The following SHOC2 variants were observed in gnomAD, a reference collection of about 807,000 sequenced individuals.
The protein encoded by SHOC2 is SHOC2 leucine rich repeat scaffold protein, also known as leucine-rich repeat protein SHOC-2.
Under a neutral mutation model 50.2 loss-of-function variants are expected in SHOC2, and 4 were observed. The observed-to-expected ratio is 0.08, with a 90% CI of 0.04 to 0.18. The LOEUF is 0.18. Ranked by LOEUF, SHOC2 falls within the 10% of genes least tolerant of loss-of-function variation. SHOC2 has a pLI of 1.00. For synonymous variants in SHOC2, 218 were observed against 244.5 expected (o/e 0.89, Z 1.01); for missense variants, 388 against 669.6 (o/e 0.58, Z 4.64).
intron 5 of SHOC2, among the ~76,000 whole-genome samples, chr10:111,006,555 A>G (rs1282432377): frequency 6.6e-6 from 1 of 152,112 alleles, no homozygotes; most frequent in East Asian, 1.9e-4. Context: ...TATTTTTAGT[A>G]GAGACGGGGT....
rs1564714645 is a variant in SHOC2, at chr10:110,964,545, G to A, written c.187G>A (p.Gly63Arg). Reference sequence around the variant, plus strand: ...GAAGGACTCCAGTGCTGCCCAACCAGGGGTGGCATTTTCAGTTGACAATAC... The same window carrying A: ...GAAGGACTCCAGTGCTGCCCAACCAAGGGTGGCATTTTCAGTTGACAATAC... The part of the protein sequence containing the change: ...GKKDSSAAQP[G>R]VAFSVDNTIK... Residue 63 changes from glycine (G) to arginine (R), a missense_variant, in exon 2 of 9, where the codon GGG (glycine) becomes AGG (arginine). Physicochemically the swap from Gly to Arg is moderately radical, Grantham distance 125 (BLOSUM62 -2). Transcript: ENST00000369452. This position sits in a 1 kb window ranked among gnomAD's most constrained non-coding sequence, Gnocchi z 4.9. 6.2e-7 allele frequency: 1 copy of A among 1,613,958 alleles called. No homozygotes were observed. Among genetic ancestry groups the A allele is most frequent in the Admixed American group, 1.7e-5 (1 of 59,988 alleles).
intron 1 of SHOC2, among the ~76,000 whole-genome samples, chr10:110,936,388 C>T (rs1038497351): frequency 3.3e-5 from 5 of 151,976 alleles, no homozygotes; most frequent in African/African-American, 1.2e-4. Flanking sequence ...CAGGCGTGAG[C>T]CACCGCACCC....
rs764610489 is a variant in SHOC2, at chr10:110,964,651, G to A, written c.293G>A (p.Arg98Gln). 6.2e-6 allele frequency: 10 copies of A among 1,614,068 alleles called. No individual in the cohort carries two copies. Among genetic ancestry groups the A allele is most frequent in the South Asian group, 1.1e-5 (1 of 91,088 alleles). Residue 98 changes from arginine (R) to glutamine (Q), a missense_variant, in exon 2 of 9, where the codon CGG becomes CAG. Arg to Gln is a conservative substitution (Grantham distance 43). Transcript: ENST00000369452. The surrounding 1 kb of genome is among the most constrained non-coding windows in gnomAD (Gnocchi z 4.9). ...GTGATTAAAGAGCTCAACAAATGCC[G>A]GGAAGAGAATTCAATGCGTTTGGAC... is the stretch of plus-strand genomic sequence containing the variant. Reference protein sequence around the residue: ...AEVIKELNKCREENSMRLDLS... With the variant: ...AEVIKELNKCQEENSMRLDLS...
At chr10:111,002,064 G>C (rs1848387543) in intron 4 of SHOC2, among the ~76,000 whole-genome samples, 1 of 151,858 alleles carries the variant, frequency 6.6e-6, no homozygotes. Context: ...AAAAATAAGT[G>C]AAAAAATTTA....
intron 1 of SHOC2, among the ~76,000 whole-genome samples, chr10:110,930,750 T>TTTTTTTTTTG: frequency 6.7e-6 from 1 of 149,842 alleles, no homozygotes; most frequent in Non-Finnish European, 1.5e-5. Flanking sequence ...TTTTTTTTTT[T>TTTTTTTTTTG]GGTAGTGTTT....
At chr10:110,969,896 AAAT>A (rs971287742) in intron 2 of SHOC2, among the ~76,000 whole-genome samples, 7 of 151,942 alleles carry the variant, frequency 4.6e-5, no homozygotes, top group African/African-American at 7.3e-5. Context: ...TATGTATGAG[AAAT>A]AATAATGAGA....
chr10:110,966,201 C>T (rs1326584931), intron 2 of SHOC2, among the ~76,000 whole-genome samples: 1 of 151,758 alleles, frequency 6.6e-6, no homozygotes, highest in Non-Finnish European at 1.5e-5. Context: ...CTAGACAATC[C>T]AAATATTAAT....
chr10:110,979,861 T>C (rs894935992), intron 2 of SHOC2, among the ~76,000 whole-genome samples: 1 of 133,990 alleles, frequency 7.5e-6, no homozygotes, highest in African/African-American at 2.8e-5. Context: ...CAACCCAAGC[T>C]CAGTATCTTC....
intron 4 of SHOC2, among the ~76,000 whole-genome samples, chr10:111,003,115 A>G (rs1848410383): frequency 1.3e-5 from 2 of 152,232 alleles, no homozygotes; most frequent in African/African-American, 4.8e-5. Context: ...CTTAAGGTAC[A>G]GTATAAAGAA....
intron 2 of SHOC2, among the ~76,000 whole-genome samples, chr10:110,966,675 T>C (rs1054129576): frequency 6.6e-6 from 1 of 152,132 alleles, no homozygotes; most frequent in South Asian, 2.1e-4. Flanking sequence ...AAAGTGAATG[T>C]ATCTTTTAAA....
chr10:110,952,733 G>A (rs543811385), intron 1 of SHOC2, among the ~76,000 whole-genome samples: 8 of 152,038 alleles, frequency 5.3e-5, no homozygotes, highest in Non-Finnish European at 1.2e-4. Flanking sequence ...CCTCGCAAAA[G>A]GCCCTGGTGT....
chr10:110,930,735 C>CTTTTTTTTTTTTTTT (rs772553111), intron 1 of SHOC2, among the ~76,000 whole-genome samples: 23 of 96,752 alleles, frequency 2.4e-4, no homozygotes, highest in South Asian at 4.2e-4. Flanking sequence ...ACGAGTAAAT[C>CTTTTTTTTTTTTTTT]TTTTTTTTTT....
chr10:110,963,338 C>G (rs1847607447), intron 1 of SHOC2, among the ~76,000 whole-genome samples: 1 of 151,942 alleles, frequency 6.6e-6, no homozygotes, highest in Non-Finnish European at 1.5e-5. Flanking sequence ...TTTTTCAGTC[C>G]CTAGAATATA....
chr10:111,010,198 T>A (rs1345807855), intron 8 of SHOC2, among the ~76,000 whole-genome samples: 1 of 152,146 alleles, frequency 6.6e-6, no homozygotes, highest in Non-Finnish European at 1.5e-5. Context: ...GATTTTAGAA[T>A]TAATATTAAT....
intron 1 of SHOC2, among the ~76,000 whole-genome samples, chr10:110,950,584 G>A (rs1053536998): frequency 6.6e-6 from 1 of 152,132 alleles, no homozygotes; most frequent in African/African-American, 2.4e-5. Flanking sequence ...AATTCTGGAA[G>A]CATCATACTA....
intron 1 of SHOC2, among the ~76,000 whole-genome samples, chr10:110,942,150 C>T (rs1406171596): frequency 8.1e-6 from 1 of 123,220 alleles, no homozygotes; most frequent in Non-Finnish European, 1.8e-5. Flanking sequence ...TTGAGTTACG[C>T]AGATTTTCTA....
At chr10:110,987,103 C>A (rs1040910483) in intron 3 of SHOC2, among the ~76,000 whole-genome samples, 1 of 152,120 alleles carries the variant, frequency 6.6e-6, no homozygotes, top group Non-Finnish European at 1.5e-5. Flanking sequence ...ATAACTTAGC[C>A]TTTTAGCTGC....
At chr10:110,924,659 GTGAAA>G (rs1846720391) in intron 1 of SHOC2, among the ~76,000 whole-genome samples, 1 of 152,078 alleles carries the variant, frequency 6.6e-6, no homozygotes, top group South Asian at 2.1e-4. Context: ...TTCAACACCT[GTGAAA>G]AGGGAAAAAT....
At chr10:110,970,311 C>T (rs1847755575) in intron 2 of SHOC2, among the ~76,000 whole-genome samples, 1 of 152,170 alleles carries the variant, frequency 6.6e-6, no homozygotes. Flanking sequence ...ATTTCTGTGC[C>T]TGGCTCATTT....
Sources: gnomAD v4.1 joint callset for allele counts (sites outside exome capture counted in the v4.1 genomes callset) on GRCh38, gnomAD v4.1.1 for gene constraint, Gnocchi (gnomAD v3.1) non-coding constraint, MANE v1.5 for transcripts, NCBI Gene and HGNC (gene_info 2026-07-23, HGNC 2026-07-21) for gene names.